The following SERAC1 variants were observed in gnomAD, a reference collection of about 807,000 sequenced individuals.
SERAC1 encodes serine active site containing 1.
In SERAC1, 36 loss-of-function variants were observed where a neutral mutation model predicts 85.7. That is an observed-to-expected ratio of 0.42 (90% CI 0.32 to 0.55). The LOEUF (loss-of-function observed/expected upper bound fraction) is 0.55, where lower values mean the gene tolerates loss of function less well. SERAC1 is among the 20% of genes least tolerant of loss of function. The pLI, the probability that SERAC1 is intolerant of heterozygous loss-of-function variation, is 0.11. For missense variants in SERAC1, 629 were observed against 796.2 expected, an observed-to-expected ratio of 0.79 and a Z score of 2.53; for synonymous variants, 242 against 265.3, an observed-to-expected ratio of 0.91 and a Z score of 0.85.
intron 1 of SERAC1, among the ~76,000 whole-genome samples, chr6:158,163,656 G>A (rs1239197075): frequency 6.6e-6 from 1 of 152,168 alleles, no homozygotes; most frequent in Non-Finnish European, 1.5e-5. Flanking sequence ...ACATATGTAT[G>A]GACCTATTCC....
At chr6:158,142,305 C>T (rs1784936415) in intron 8 of SERAC1, among the ~76,000 whole-genome samples, 1 of 151,858 alleles carries the variant, frequency 6.6e-6, no homozygotes, top group Non-Finnish European at 1.5e-5. Context: ...GAACTACAGG[C>T]ACATGCTACC....
At chr6:158,116,461 C>T (rs2128411160) in intron 13 of SERAC1, 179 bp from the exon 14 acceptor site, 1 of 534,400 alleles carries the variant, frequency 1.9e-6, no homozygotes, top group South Asian at 2.2e-5. Context: ...TCTTATTGAA[C>T]TCCTGGCCCC....
intron 1 of SERAC1, among the ~76,000 whole-genome samples, chr6:158,166,492 T>C (rs1785599709): frequency 6.6e-6 from 1 of 152,214 alleles, no homozygotes; most frequent in African/African-American, 2.4e-5. Flanking sequence ...TCCCTTGCCT[T>C]TCCATATAAA....
intron 10 of SERAC1, among the ~76,000 whole-genome samples, chr6:158,122,385 T>C (rs1784442969): frequency 6.6e-6 from 1 of 152,254 alleles, no homozygotes; most frequent in Non-Finnish European, 1.5e-5. Flanking sequence ...CTTGCTTTAG[T>C]ACTCCCATAA....
intron 6 of SERAC1, chr6:158,145,202 C>T (rs879811990): frequency 2.0e-5 from 3 of 152,194 alleles, no homozygotes; most frequent in South Asian, 2.1e-4. Context: ...CAAGGTCACA[C>T]CACTATACTT....
intron 8 of SERAC1, among the ~76,000 whole-genome samples, chr6:158,136,368 C>T (rs2128417748): frequency 6.6e-6 from 1 of 152,298 alleles, no homozygotes; most frequent in Non-Finnish European, 1.5e-5. Flanking sequence ...AGTTCCTAGA[C>T]TTTACCAAAT....
At chr6:158,164,666 T>C (rs1785558060) in intron 1 of SERAC1, among the ~76,000 whole-genome samples, 1 of 152,222 alleles carries the variant, frequency 6.6e-6, no homozygotes. Context: ...GGGATCTTCA[T>C]ATCAGTAGCT....
rs1784312946 is a variant in SERAC1, at chr6:158,117,339, A to G, written c.1403+388T>C. On this transcript the variant is annotated intron_variant, in intron 13 of 16. Transcript: ENST00000647468. This position sits in a 1 kb window ranked among gnomAD's most constrained non-coding sequence, Gnocchi z 4.3. ...TATACAACTGGCACAGATGACATAC[A>G]AGGGAAATAGCAGCTGATATTTCTC... 1 of 630,306 alleles carries G rather than the reference A, an allele frequency of 1.6e-6. No individual in the cohort carries two copies. Among genetic ancestry groups the G allele is most frequent in the Non-Finnish European group, 2.7e-6 (1 of 368,210 alleles). The allele number at this position is 630,306 out of a possible 1,614,324, so 39.0% of individuals were successfully genotyped here.
rs1233437346 is a variant in SERAC1, at chr6:158,168,046, C to G, written c.-2+94G>C. 5.9e-5 allele frequency: 9 copies of G among 152,434 alleles called. No individual in the cohort carries two copies. In the East Asian group the frequency reaches 1.4e-3, roughly 23 times the overall value. 9.4% of individuals were successfully genotyped at this position (152,434 alleles called of 1,614,324 possible). On this transcript the variant is annotated intron_variant, in intron 1 of 16. Transcript: ENST00000647468. ...CCAGACGGCGGTGCTCGGCCGTGCC[C>G]GGTCCCTGCCCTCCCCATTCTCCGC... is the stretch of plus-strand genomic sequence containing the variant.
chr6:158,156,854 T>C (rs1562459692), intron 2 of SERAC1, among the ~76,000 whole-genome samples: 1 of 81,732 alleles, frequency 1.2e-5, no homozygotes, highest in Non-Finnish European at 2.5e-5. Context: ...ATTTTATATA[T>C]AATAAATATT....
chr6:158,129,620 G>T (rs1784622399), intron 9 of SERAC1, among the ~76,000 whole-genome samples: 1 of 151,806 alleles, frequency 6.6e-6, no homozygotes, highest in South Asian at 2.1e-4. Flanking sequence ...TGGTACCAAA[G>T]AGTTTAACAA....
rs368154411 is a variant in SERAC1 at position 158,136,956 on chromosome 6, G to A, written c.738+6100C>T. Among the ~76,000 whole-genome samples, 593 of 152,098 alleles carry A rather than the reference G, an allele frequency of 3.9e-3. 6 individuals carry two copies. The highest frequency in any genetic ancestry group is 0.014 in the African/African-American group (568 of 41,502). On this transcript the variant is annotated intron_variant, in intron 8 of 16. Transcript: ENST00000647468. ...AGGCGGATCACGAGGTCAAGAGATC[G>A]AGACCATCCTGGCTAACATGGTGAA...
At chr6:158,153,318 T>C (rs1417318720) in intron 3 of SERAC1, among the ~76,000 whole-genome samples, 1 of 152,204 alleles carries the variant, frequency 6.6e-6, no homozygotes, top group African/African-American at 2.4e-5. Flanking sequence ...TATGCAATTA[T>C]CCATTGCATG....
chr6:158,141,655 A>T (rs1030587494), intron 8 of SERAC1, among the ~76,000 whole-genome samples: 9 of 152,200 alleles, frequency 5.9e-5, no homozygotes, highest in African/African-American at 2.2e-4. Flanking sequence ...GAAGCGGCCA[A>T]ATCTTGTAGG....
At chr6:158,149,213 T>G (rs905072551) in intron 4 of SERAC1, among the ~76,000 whole-genome samples, 1 of 152,106 alleles carries the variant, frequency 6.6e-6, no homozygotes, top group Non-Finnish European at 1.5e-5. Flanking sequence ...AGGATGGTCT[T>G]GATCTCCTGA....
In SERAC1 at chr6:158,155,313, A is replaced by C; in HGVS notation, c.128+2T>G. 1 of 1,544,282 alleles carries C rather than the reference A, an allele frequency of 6.5e-7. No individual in the cohort carries two copies. The highest frequency in any genetic ancestry group is 8.9e-7 in the Non-Finnish European group (1 of 1,118,022). ...ATTAATATTCCACAGTTGACGACTT[A>C]CCCTAAAATAAGTGATCCAGTAAAC... On this transcript the variant is annotated splice_donor_variant, in intron 3 of 16. Coordinates refer to ENST00000647468, the MANE Select transcript of SERAC1 (RefSeq NM_032861.4). LOFTEE classifies it high-confidence loss of function.
chr6:158,124,788 CAT>C (rs368931491), intron 10 of SERAC1, among the ~76,000 whole-genome samples: 29,707 of 98,908 alleles, frequency 0.3, 3,008 homozygotes, highest in African/African-American at 0.34. Context: ...CACACACACA[CAT>C]ACACACTCAA....
chr6:158,151,946 T>G (rs182790316), intron 3 of SERAC1, among the ~76,000 whole-genome samples: 44 of 152,176 alleles, frequency 2.9e-4, no homozygotes, highest in African/African-American at 1.0e-3. Context: ...AGACAGGGTC[T>G]CAACCACGTT....
Position 158,137,017 on chromosome 6 carries a change from G to T in SERAC1, c.738+6039C>A, listed in dbSNP as rs921561336. On this transcript the variant is annotated intron_variant, in intron 8 of 16. Coordinates refer to ENST00000647468, the MANE Select transcript of SERAC1 (RefSeq NM_032861.4). ...TACTAAAAATACAAAAATCAGCTGG[G>T]CATGGTGGCTCGCGCCTGTAGTCCC... 1.6e-4 allele frequency among the ~76,000 whole-genome samples: 24 copies of T among 152,038 alleles called. 1 individual carries two copies. Among genetic ancestry groups the T allele is most frequent in the Admixed American group, 4.6e-4 (7 of 15,258 alleles).
Sources: gnomAD v4.1 joint callset for allele counts (sites outside exome capture counted in the v4.1 genomes callset) on GRCh38, gnomAD v4.1.1 for gene constraint, Gnocchi (gnomAD v3.1) non-coding constraint, MANE v1.5 for transcripts, NCBI Gene and HGNC (gene_info 2026-07-23, HGNC 2026-07-21) for gene names.